Variants in RASEF observed in about 807,000 individuals in gnomAD.
RASEF encodes ras and EF-hand domain-containing protein.
A neutral mutation model predicts 90.1 loss-of-function variants in RASEF; 68 were observed. The observed-to-expected ratio is 0.75, with a 90% CI of 0.62 to 0.92. The LOEUF (loss-of-function observed/expected upper bound fraction) is 0.92. Among genes scored for constraint, RASEF ranks in the 40% least tolerant of loss-of-function variants. The pLI, the probability that RASEF is intolerant of heterozygous loss-of-function variation, is 0.00. For synonymous variants in RASEF, 331 were observed against 345.2 expected, an observed-to-expected ratio of 0.96 and a Z score of 0.46; for missense variants, 949 against 937.2, an observed-to-expected ratio of 1.01 and a Z score of -0.16.
intron 4 of RASEF, among the ~76,000 whole-genome samples, chr9:83,014,481 T>C (rs1488360547): frequency 6.6e-6 from 1 of 152,076 alleles, no homozygotes; most frequent in South Asian, 2.1e-4. Context: ...TTAAAATTTA[T>C]TTATTTATTT....
chr9:83,122,257 C>A, the RASEF span, among the ~76,000 whole-genome samples: 3 of 152,200 alleles, frequency 2.0e-5, no homozygotes, highest in South Asian at 2.1e-4. Context: ...AGGACCCCTG[C>A]AGCTTTTCAC....
chr9:83,202,013 A>G, the RASEF span: 1,792 of 155,822 alleles, frequency 0.012, 10 homozygotes, highest in Middle Eastern at 0.022. Context: ...TATGGGGTCA[A>G]ATACATCTCC....
chr9:83,176,123 G>A, the RASEF span, among the ~76,000 whole-genome samples: 6 of 152,208 alleles, frequency 3.9e-5, no homozygotes, highest in African/African-American at 1.4e-4. Flanking sequence ...TTGAACTATT[G>A]TGAAATTGTT....
In RASEF at chr9:83,025,098, G is replaced by GTTTT. The variant is rs145873991; in HGVS notation, c.578+673_578+676dup. ...GTTTGGACTGCAACACATATAAATT[G>GTTTT]TTTTTTTTGCATGACATAGCTGTTA... On this transcript the variant is annotated intron_variant, in intron 2 of 16. Coordinates refer to ENST00000376447, the MANE Select transcript of RASEF (RefSeq NM_152573.4). Among the ~76,000 whole-genome samples the GTTTT allele has an allele frequency of 7.0e-3, 1,061 of 152,028 alleles. 13 individuals are homozygous for GTTTT. The highest frequency in any genetic ancestry group is 0.024 in the African/African-American group (980 of 41,432).
the RASEF span, among the ~76,000 whole-genome samples, chr9:83,189,130 G>T: frequency 6.6e-6 from 1 of 152,194 alleles, no homozygotes; most frequent in Non-Finnish European, 1.5e-5. Flanking sequence ...CCCACATGTC[G>T]TGGGAGGGGC....
intron 9 of RASEF, among the ~76,000 whole-genome samples, chr9:83,002,300 T>A (rs1829053867): frequency 6.6e-6 from 1 of 152,152 alleles, no homozygotes; most frequent in African/African-American, 2.4e-5. Flanking sequence ...AGTATTTTTA[T>A]GCCATTAGCA....
At chr9:82,991,606 C>T (rs1337519740) in intron 15 of RASEF, among the ~76,000 whole-genome samples, 2 of 152,108 alleles carry the variant, frequency 1.3e-5, no homozygotes. Context: ...ACTCGTAAGC[C>T]CACAAATCCA....
chr9:83,144,391 G>GAAAGAAAAGAAAGAAA, the RASEF span, among the ~76,000 whole-genome samples: 19 of 33,242 alleles, frequency 5.7e-4, 1 homozygote, highest in Admixed American at 1.7e-3. Context: ...AAGAAAGAAA[G>GAAAGAAAAGAAAGAAA]GAAAGAAAGA....
intron 16 of RASEF, among the ~76,000 whole-genome samples, chr9:82,989,826 T>C (rs1295397666): frequency 6.6e-6 from 1 of 152,232 alleles, no homozygotes; most frequent in Non-Finnish European, 1.5e-5. Context: ...AAATCTAATG[T>C]AGAATGTTAT....
At chr9:83,153,205 TC>T in the RASEF span, among the ~76,000 whole-genome samples, 3 of 152,122 alleles carry the variant, frequency 2.0e-5, no homozygotes, top group African/African-American at 7.2e-5. Flanking sequence ...CATCACCACT[TC>T]CCTTATACAC....
intron 3 of RASEF, 59 bp downstream of exon 3, chr9:83,022,277 T>C: frequency 7.8e-7 from 1 of 1,289,328 alleles, no homozygotes; most frequent in Non-Finnish European, 1.1e-6. Context: ...GCCTGGGCCC[T>C]CTCCGTAGAA....
In RASEF at chr9:82,997,111, G is replaced by A; in HGVS notation, c.1821C>T (p.Ala607=). 1 of 1,606,814 alleles carries A rather than the reference G, an allele frequency of 6.2e-7. No individual in the cohort carries two copies. Among genetic ancestry groups the A allele is most frequent in the Non-Finnish European group, 8.5e-7 (1 of 1,173,482 alleles). The change falls in exon 14 of 17, where the codon GCC becomes GCT. Residue 607 remains alanine (A), a synonymous_variant. Coordinates refer to ENST00000376447, the MANE Select transcript of RASEF (RefSeq NM_152573.4). ...TAGQERFRSI[A]KSYFRKADGV... Reference sequence around the variant, plus strand: ...CATCTGCCTTTCTGAAGTAAGACTTGGCAATACTTCTGAATCTGAGAAAGA... The same window carrying A: ...CATCTGCCTTTCTGAAGTAAGACTTAGCAATACTTCTGAATCTGAGAAAGA...
At chr9:83,164,347 G>GTGTGTATATA in the RASEF span, among the ~76,000 whole-genome samples, 10,825 of 129,492 alleles carry the variant, frequency 0.084, 636 homozygotes, top group Non-Finnish European at 0.12. Flanking sequence ...GTATATGTGT[G>GTGTGTATATA]TATATATATA....
chr9:83,085,543 G>C, the RASEF span, among the ~76,000 whole-genome samples: 1 of 152,050 alleles, frequency 6.6e-6, no homozygotes, highest in African/African-American at 2.4e-5. Flanking sequence ...GCTGAGATGG[G>C]AGGATCACTT....
chr9:83,192,530 G>A, the RASEF span, among the ~76,000 whole-genome samples: 3 of 152,160 alleles, frequency 2.0e-5, no homozygotes, highest in South Asian at 4.1e-4. Flanking sequence ...ACAGAAAGGT[G>A]TACAACAGAC....
the RASEF span, among the ~76,000 whole-genome samples, chr9:83,160,084 G>A: frequency 1.3e-5 from 2 of 152,216 alleles, no homozygotes; most frequent in Admixed American, 1.3e-4. Context: ...TCTTGGATAT[G>A]TCTTTATCAG....
Position 83,025,835 on chromosome 9 carries a change from A to C in RASEF, c.518T>G (p.Phe173Cys). ...IQPYEHVIKN[F>C]IREIRLQSTE... Reference sequence around the variant, plus strand: ...GCTTTGAAGTCTGATCTCACGGATGAAGTTCTTTATAACATGTTCATATGG... The same window carrying C: ...GCTTTGAAGTCTGATCTCACGGATGCAGTTCTTTATAACATGTTCATATGG... The change falls in exon 2 of 17, where the codon TTC (phenylalanine) becomes TGC (cysteine). Residue 173 changes from phenylalanine to cysteine, a missense_variant. Around this residue, in one of 3 missense-constraint regions of RASEF, gnomAD observed 656 missense variants for 592.2 expected, o/e 1.11. Coordinates refer to ENST00000376447, the MANE Select transcript of RASEF (RefSeq NM_152573.4). 6.2e-7 allele frequency: 1 copy of C among 1,613,972 alleles called. No homozygotes were observed. The highest frequency in any genetic ancestry group is 1.1e-5 in the South Asian group (1 of 91,064).
intron 8 of RASEF, among the ~76,000 whole-genome samples, chr9:83,005,148 C>A (rs1829105038): frequency 6.6e-6 from 1 of 152,138 alleles, no homozygotes; most frequent in Non-Finnish European, 1.5e-5. Flanking sequence ...CTCTTTCAGG[C>A]CAAAGATCCC....
chr9:83,218,873 G>GCCACATA, the RASEF span, among the ~76,000 whole-genome samples: 2 of 152,138 alleles, frequency 1.3e-5, no homozygotes, highest in East Asian at 3.9e-4. Flanking sequence ...ATTTACAGAA[G>GCCACATA]CCACATACCT....
Sources: gnomAD v4.1 joint callset for allele counts (sites outside exome capture counted in the v4.1 genomes callset) on GRCh38, gnomAD v4.1.1 for gene constraint, gnomAD v4.1.1 regional missense constraint, MANE v1.5 for transcripts, NCBI Gene and HGNC (gene_info 2026-07-23, HGNC 2026-07-21) for gene names.